DMBT1: variants seen among roughly 807,000 people sequenced by gnomAD.
DMBT1 encodes the protein deleted in malignant brain tumors 1.
DMBT1 carries 198 observed loss-of-function variants against 252.9 expected under a neutral mutation model. The observed-to-expected ratio is 0.78, with a 90% CI of 0.70 to 0.88. The LOEUF (loss-of-function observed/expected upper bound fraction) is 0.88. Ranked by LOEUF, DMBT1 falls within the 40% of genes least tolerant of loss-of-function variation. DMBT1 has a pLI of 0.00. For missense variants in DMBT1, 2,432 were observed against 2,404.7 expected, an observed-to-expected ratio of 1.01 and a Z score of -0.24; for synonymous variants, 990 against 942.7, an observed-to-expected ratio of 1.05 and a Z score of -0.92.
intron 48 of DMBT1, 51 bp downstream of exon 48, chr10:122,630,541 G>T: frequency 1.3e-6 from 2 of 1,572,280 alleles, no homozygotes; most frequent in Non-Finnish European, 1.7e-6. Flanking sequence ...TTACCCAGCT[G>T]CCTCTTTGGG....
chr10:122,634,356 CTT>C (rs1203089268), intron 52 of DMBT1, among the ~76,000 whole-genome samples: 4 of 98,418 alleles, frequency 4.1e-5, no homozygotes, highest in African/African-American at 1.7e-4. Context: ...TTCTTTCTTT[CTT>C]TCTTTCTTTC....
At chr10:122,628,269 A>G (rs1030799986) in intron 46 of DMBT1, among the ~76,000 whole-genome samples, 1 of 152,248 alleles carries the variant, frequency 6.6e-6, no homozygotes, top group Non-Finnish European at 1.5e-5. Flanking sequence ...ATGCAATGCA[A>G]ATGTCCATCA....
At chr10:122,588,532 C>T (rs2097815167) in intron 16 of DMBT1, among the ~76,000 whole-genome samples, 1 of 149,272 alleles carries the variant, frequency 6.7e-6, no homozygotes, top group Non-Finnish European at 1.5e-5. Flanking sequence ...GTTTCTGTCC[C>T]TGCAGCTGTC....
chr10:122,563,813 C>G (rs958770673), intron 1 of DMBT1, among the ~76,000 whole-genome samples: 2 of 152,142 alleles, frequency 1.3e-5, no homozygotes, highest in African/African-American at 4.8e-5. Flanking sequence ...TGAGCCTTGT[C>G]AAGGCTCTGG....
chr10:122,562,997 T>A (rs2097561580), intron 1 of DMBT1, among the ~76,000 whole-genome samples: 1 of 152,230 alleles, frequency 6.6e-6, no homozygotes. Context: ...CACTGGCCCT[T>A]GCTGCTCCTT....
intron 10 of DMBT1, among the ~76,000 whole-genome samples, chr10:122,580,404 G>A (rs560222215): frequency 1.3e-5 from 2 of 152,348 alleles, no homozygotes; most frequent in South Asian, 4.1e-4. Flanking sequence ...TGGGGTTGGA[G>A]TTCTTGACCT....
intron 54 of DMBT1, among the ~76,000 whole-genome samples, chr10:122,637,731 C>T (rs778324213): frequency 7.9e-5 from 12 of 152,204 alleles, no homozygotes; most frequent in South Asian, 2.1e-4. Context: ...TTTGCAAAAA[C>T]GTATGGCTGT....
chr10:122,622,751 G>A (rs80083980), intron 44 of DMBT1, among the ~76,000 whole-genome samples: 9,785 of 152,230 alleles, frequency 0.064, 342 homozygotes, highest in South Asian at 0.13. Flanking sequence ...TTGGGGCGAC[G>A]GGAAGGATGG....
At chr10:122,577,535 C>A (rs549048622) in intron 7 of DMBT1, among the ~76,000 whole-genome samples, 2 of 152,312 alleles carry the variant, frequency 1.3e-5, no homozygotes, top group South Asian at 4.1e-4. Context: ...TTTGCTGCTC[C>A]CTGGGTGTTG....
intron 46 of DMBT1, among the ~76,000 whole-genome samples, 160 bp from the exon 47 acceptor site, chr10:122,629,680 C>A (rs2098143790): frequency 6.6e-6 from 1 of 152,172 alleles, no homozygotes; most frequent in Non-Finnish European, 1.5e-5. Context: ...TGTTGGGCCA[C>A]CTAGAACCAG....
intron 11 of DMBT1, 27 bp downstream of exon 11, chr10:122,580,922 A>C (rs1440314733): frequency 6.2e-7 from 1 of 1,612,822 alleles, no homozygotes; most frequent in African/African-American, 1.3e-5. Context: ...CTTCCTCAAA[A>C]TGTCCCTTCT....
At chr10:122,590,916 A>G (rs1360061749) in intron 18 of DMBT1, among the ~76,000 whole-genome samples, 1 of 148,028 alleles carries the variant, frequency 6.8e-6, no homozygotes, top group African/African-American at 2.4e-5. Context: ...GTCTCCTGGG[A>G]AGGCAATTTC....
In DMBT1 at chr10:122,598,021, T is replaced by A; in HGVS notation, c.2956+9T>A. On this transcript the variant is annotated intron_variant, in intron 25 of 55. Transcript: ENST00000338354. ...GCCTGCATCGACAGTAGGTAAATAT[T>A]CCTCTCGCCCCTCCCTAGGGCTCAC... The A allele has an allele frequency of 1.9e-6, 3 of 1,613,906 alleles. No homozygotes were observed. The highest frequency in any genetic ancestry group is 2.5e-6 in the Non-Finnish European group (3 of 1,179,834).
chr10:122,571,389 T>C (rs1476591460), intron 4 of DMBT1, among the ~76,000 whole-genome samples: 1 of 152,122 alleles, frequency 6.6e-6, no homozygotes, highest in Non-Finnish European at 1.5e-5. Flanking sequence ...ATATTTATCT[T>C]CCTAAGTGGC....
At position 122,570,936 on chromosome 10, in the gene DMBT1, AGGTAACGTCTACTAT is replaced by A. The variant is rs1411342210; in HGVS notation, c.187+2_187+16del. The A allele has an allele frequency of 6.2e-7, 1 of 1,613,158 alleles. No individual in the cohort carries two copies. Among genetic ancestry groups the A allele is most frequent in the South Asian group, 1.1e-5 (1 of 91,052 alleles). On this transcript the variant is annotated splice_donor_variant and splice_donor_5th_base_variant and coding_sequence_variant and intron_variant, in exon 4 of 56. Transcript: ENST00000338354. LOFTEE classifies it high-confidence loss of function. Reference sequence around the variant, plus strand: ...CGACCCTGGAGTCAACTGTAGCAGAAGGTAACGTCTACTATGGGGGATCCCTGTGGGCTCATTACC... The same window carrying A: ...CGACCCTGGAGTCAACTGTAGCAGAAGGGGGATCCCTGTGGGCTCATTACC...
At position 122,637,178 on chromosome 10, in the gene DMBT1, C is replaced by G. The variant is rs1475229059; in HGVS notation, c.6808C>G (p.Leu2270Val). The stretch of plus-strand genomic sequence containing the variant: ...GCAAGCCAGTGTGAGCAGGAGCTAT[C>G]TCCAATCCTTGGGCTTTTCTGCCAG... ...HMQASVSRSY[L>V]QSLGFSASDL... Residue 2270 changes from leucine to valine, a missense_variant, in exon 54 of 56, where the codon CTC (leucine) becomes GTC (valine). Leu to Val is a conservative substitution (Grantham distance 32). Coordinates refer to ENST00000338354, the MANE Select transcript of DMBT1 (RefSeq NM_001377530.1). 6.2e-7 allele frequency: 1 copy of G among 1,613,904 alleles called. No individual in the cohort carries two copies. The highest frequency in any genetic ancestry group is 8.5e-7 in the Non-Finnish European group (1 of 1,179,896).
At chr10:122,585,995 G>A in intron 15 of DMBT1, 65 bp from the exon 16 acceptor site, 3 of 1,583,048 alleles carry the variant, frequency 1.9e-6, no homozygotes, top group East Asian at 2.3e-5. Context: ...CTTGAGTGTG[G>A]AACATTCCTT....
chr10:122,639,896 C>T (rs775759182), intron 54 of DMBT1, 144 bp from the exon 55 acceptor site: 109 of 975,680 alleles, frequency 1.1e-4, no homozygotes, highest in Middle Eastern at 3.3e-4. Context: ...AGGATAGGCA[C>T]GTGCCATGGC....
At chr10:122,585,191 C>T (rs28432265) in intron 14 of DMBT1, 80 bp from the exon 15 acceptor site, 117,039 of 1,521,600 alleles carry the variant, frequency 0.077, 14,894 homozygotes, top group South Asian at 0.16. Context: ...TCATGATGCT[C>T]GCCTTCTCCG....
Sources: allele counts gnomAD v4.1 joint callset (sites outside exome capture counted in the v4.1 genomes callset), GRCh38; gene constraint gnomAD v4.1.1; transcripts MANE v1.5; gene names NCBI Gene and HGNC (gene_info 2026-07-23, HGNC 2026-07-21).